The following XPO6 variants were observed in gnomAD, a reference collection of about 807,000 sequenced individuals.
XPO6 encodes exportin 6.
In XPO6, 3 loss-of-function variants were observed where a neutral mutation model predicts 130.0. That is an observed-to-expected ratio of 0.02 (90% CI 0.01 to 0.06). XPO6 has a LOEUF of 0.06. Among genes scored for constraint, XPO6 ranks in the 10% least tolerant of loss-of-function variants. The pLI, the probability that XPO6 is intolerant of heterozygous loss-of-function variation, is 1.00. For missense variants in XPO6, 970 were observed against 1,393.0 expected, an observed-to-expected ratio of 0.70 and a Z score of 4.83; for synonymous variants, 524 against 548.9, an observed-to-expected ratio of 0.95 and a Z score of 0.63.
chr16:28,121,944 T>C (rs559372693), intron 13 of XPO6, among the ~76,000 whole-genome samples, 182 bp from the exon 14 acceptor site: 1 of 151,276 alleles, frequency 6.6e-6, no homozygotes, highest in African/African-American at 2.5e-5. Flanking sequence ...AAGATTTATA[T>C]ACAAGCATAT....
chr16:28,177,542 C>T (rs2043551913), intron 2 of XPO6, among the ~76,000 whole-genome samples: 1 of 152,142 alleles, frequency 6.6e-6, no homozygotes, highest in African/African-American at 2.4e-5. Flanking sequence ...TTTCAGCCAC[C>T]TAAAAGCCAA....
intron 2 of XPO6, 68 bp from the exon 3 acceptor site, chr16:28,177,400 CTTA>C (rs1011997582): frequency 6.9e-6 from 6 of 867,652 alleles, no homozygotes; most frequent in Admixed American, 2.4e-5. Context: ...ACTGGGCTAT[CTTA>C]TTATTATTTA....
intron 1 of XPO6, among the ~76,000 whole-genome samples, chr16:28,200,884 A>C (rs940126780): frequency 5.3e-5 from 8 of 152,106 alleles, no homozygotes; most frequent in African/African-American, 1.9e-4. Flanking sequence ...CGCGGTATGC[A>C]TGAGGGCCCC....
intron 12 of XPO6, among the ~76,000 whole-genome samples, chr16:28,129,587 T>G (rs900485960): frequency 6.6e-6 from 1 of 152,202 alleles, no homozygotes. Context: ...TCCTTGGCAA[T>G]TCACTGCCCT....
intron 1 of XPO6, among the ~76,000 whole-genome samples, chr16:28,208,715 C>A (rs28676820): frequency 6.6e-6 from 1 of 152,188 alleles, no homozygotes; most frequent in African/African-American, 2.4e-5. Context: ...AATGAAACCT[C>A]AATACAAGGG....
At chr16:28,196,224 C>T (rs999194953) in intron 1 of XPO6, among the ~76,000 whole-genome samples, 1 of 152,136 alleles carries the variant, frequency 6.6e-6, no homozygotes, top group Non-Finnish European at 1.5e-5. Context: ...GAATTTAAGA[C>T]TGCTGCCACA....
intron 16 of XPO6, 78 bp from the exon 17 acceptor site, chr16:28,112,084 C>T: frequency 2.0e-6 from 3 of 1,477,236 alleles, no homozygotes; most frequent in Non-Finnish European, 2.7e-6. Flanking sequence ...CAGCCTTCAG[C>T]ACCCGCTGGC....
intron 1 of XPO6, among the ~76,000 whole-genome samples, chr16:28,186,550 TGTAGAG>T (rs1264846600): frequency 6.6e-6 from 1 of 151,868 alleles, no homozygotes; most frequent in Non-Finnish European, 1.5e-5. Context: ...TTTTCATTTT[TGTAGAG>T]CCTGGGTCTT....
At chr16:28,181,743 G>A (rs1186312308) in intron 1 of XPO6, among the ~76,000 whole-genome samples, 4 of 152,086 alleles carry the variant, frequency 2.6e-5, no homozygotes, top group Non-Finnish European at 4.4e-5. Context: ...TCAATCTCAC[G>A]TGAGCAGCCA....
intron 1 of XPO6, among the ~76,000 whole-genome samples, chr16:28,208,084 T>G (rs901016583): frequency 6.6e-6 from 1 of 151,914 alleles, no homozygotes; most frequent in Non-Finnish European, 1.5e-5. Flanking sequence ...AGGCAGAGGT[T>G]GCAGTGATCC....
At chr16:28,204,655 G>A (rs2044001032) in intron 1 of XPO6, among the ~76,000 whole-genome samples, 1 of 152,174 alleles carries the variant, frequency 6.6e-6, no homozygotes, top group Admixed American at 6.5e-5. Flanking sequence ...TGTCCTGGAT[G>A]AAGGCACTAA....
At chr16:28,149,707 A>G (rs894041836) in intron 8 of XPO6, among the ~76,000 whole-genome samples, 2 of 152,112 alleles carry the variant, frequency 1.3e-5, no homozygotes, top group African/African-American at 4.8e-5. Flanking sequence ...GCGTAAGTGC[A>G]CTCTATGATG....
intron 15 of XPO6, among the ~76,000 whole-genome samples, chr16:28,114,914 A>G (rs1188993161): frequency 6.6e-6 from 1 of 152,212 alleles, no homozygotes; most frequent in Non-Finnish European, 1.5e-5. Context: ...CATCTTCACC[A>G]GTTGATTCCA....
rs144931027 is a variant in XPO6 at position 28,194,950 on chromosome 16, C to A, written c.4-13919G>T. On this transcript the variant is annotated intron_variant, in intron 1 of 23. Transcript: ENST00000304658. Reference sequence around the variant, plus strand: ...TCCACATAACAGTTCCATGTCTTCACACACACCATTTCCTCTATCTAGAAT... The same window carrying A: ...TCCACATAACAGTTCCATGTCTTCAAACACACCATTTCCTCTATCTAGAAT... 4.3e-3 allele frequency among the ~76,000 whole-genome samples: 651 copies of A among 150,580 alleles called. 6 individuals carry two copies. The highest frequency in any genetic ancestry group is 0.015 in the African/African-American group (631 of 40,832).
chr16:28,193,858 G>A (rs2043820010), intron 1 of XPO6, among the ~76,000 whole-genome samples: 1 of 152,104 alleles, frequency 6.6e-6, no homozygotes, highest in East Asian at 1.9e-4. Flanking sequence ...CCCTTCTACA[G>A]GCACCAGCCC....
chr16:28,116,058 A>G (rs2087045816), intron 15 of XPO6, among the ~76,000 whole-genome samples: 1 of 152,228 alleles, frequency 6.6e-6, no homozygotes, highest in African/African-American at 2.4e-5. Context: ...CCTCATATCA[A>G]CAACAAGGCT....
chr16:28,124,354 C>T (rs896083911), intron 13 of XPO6, among the ~76,000 whole-genome samples: 5 of 152,144 alleles, frequency 3.3e-5, no homozygotes, highest in African/African-American at 1.2e-4. Flanking sequence ...CACTGCGCCC[C>T]GCCAACTGAA....
At chr16:28,150,143 A>C (rs74014220) in intron 8 of XPO6, among the ~76,000 whole-genome samples, 8,910 of 152,182 alleles carry the variant, frequency 0.059, 658 homozygotes, top group East Asian at 0.17. Flanking sequence ...CCCTCTACCT[A>C]ATGCTCAGAA....
intron 20 of XPO6, chr16:28,105,707 C>T (rs2086760742): frequency 4.6e-6 from 1 of 215,700 alleles, no homozygotes; most frequent in Non-Finnish European, 9.3e-6. Flanking sequence ...TCCTCGAGAC[C>T]ATGAATGTTT....
Sources: gnomAD v4.1 joint callset for allele counts (sites outside exome capture counted in the v4.1 genomes callset) on GRCh38, gnomAD v4.1.1 for gene constraint, MANE v1.5 for transcripts, NCBI Gene and HGNC (gene_info 2026-07-23, HGNC 2026-07-21) for gene names.